The following NELL1 variants were observed in gnomAD, a reference collection of about 807,000 sequenced individuals.
NELL1 encodes the protein protein kinase C-binding protein NELL1.
Under a neutral mutation model 107.4 loss-of-function variants are expected in NELL1, and 76 were observed. The ratio of observed to expected loss-of-function variants is 0.71; its 90% CI spans 0.59 to 0.86. The LOEUF (loss-of-function observed/expected upper bound fraction) is 0.86, where lower values mean the gene tolerates loss of function less well. NELL1 is among the 40% of genes least tolerant of loss of function. The probability of loss-of-function intolerance (pLI) is 0.00; values close to 1 mark genes in which losing one functional copy is unlikely to be tolerated. For synonymous variants in NELL1, 353 were observed against 341.2 expected (o/e 1.03, Z -0.38); for missense variants, 1,024 against 1,005.5 (o/e 1.02, Z -0.25).
At chr11:21,556,077 C>T (rs1472845139) in intron 16 of NELL1, among the ~76,000 whole-genome samples, 1 of 151,808 alleles carries the variant, frequency 6.6e-6, no homozygotes, top group Non-Finnish European at 1.5e-5. Context: ...TATATTTTCC[C>T]CCATAATTTT....
At chr11:20,785,564 C>G (rs1274256735) in intron 3 of NELL1, among the ~76,000 whole-genome samples, 1 of 152,190 alleles carries the variant, frequency 6.6e-6, no homozygotes, top group Non-Finnish European at 1.5e-5. Context: ...TGAGATACTT[C>G]TCAATGAATG....
chr11:20,691,844 G>C (rs567803565), intron 2 of NELL1, among the ~76,000 whole-genome samples: 1 of 152,216 alleles, frequency 6.6e-6, no homozygotes, highest in Admixed American at 6.5e-5. Context: ...GATTGGAATA[G>C]TTTCAGAAGG....
chr11:21,143,075 G>T (rs144013733), intron 13 of NELL1, among the ~76,000 whole-genome samples: 85 of 152,268 alleles, frequency 5.6e-4, no homozygotes, highest in African/African-American at 1.9e-3. Flanking sequence ...TCTGGGTAAG[G>T]ATTTAAGGAG....
chr11:20,794,593 T>C (rs1291169912), intron 3 of NELL1, among the ~76,000 whole-genome samples: 1 of 152,118 alleles, frequency 6.6e-6, no homozygotes, highest in Non-Finnish European at 1.5e-5. Flanking sequence ...TACCTGGTGA[T>C]TTTTCTGAGG....
At chr11:20,980,262 C>T (rs1012425253) in intron 12 of NELL1, among the ~76,000 whole-genome samples, 3 of 152,174 alleles carry the variant, frequency 2.0e-5, no homozygotes, top group South Asian at 2.1e-4. Flanking sequence ...GGTGCGTTTA[C>T]GTATATTATT....
chr11:21,496,359 G>A (rs567249758), intron 15 of NELL1, among the ~76,000 whole-genome samples: 1 of 143,368 alleles, frequency 7.0e-6, no homozygotes, highest in East Asian at 2.0e-4. Context: ...TCTTATAGGA[G>A]TTTCTTTTTT....
At chr11:20,850,357 A>G (rs1279024125) in intron 4 of NELL1, among the ~76,000 whole-genome samples, 2 of 152,196 alleles carry the variant, frequency 1.3e-5, no homozygotes, top group Non-Finnish European at 2.9e-5. Context: ...CTCACCCAGT[A>G]GTGTTCTGCT....
chr11:20,976,895 G>A (rs1293779764), intron 12 of NELL1, among the ~76,000 whole-genome samples: 1 of 151,642 alleles, frequency 6.6e-6, no homozygotes, highest in Non-Finnish European at 1.5e-5. Context: ...TTTCTTTAAC[G>A]CAAACTCCTA....
At chr11:21,385,184 G>A (rs140131769) in intron 15 of NELL1, among the ~76,000 whole-genome samples, 2,001 of 151,706 alleles carry the variant, frequency 0.013, 38 homozygotes, top group African/African-American at 0.046. Flanking sequence ...AGTACTTTTC[G>A]TATGGCTTCA....
chr11:20,685,271 T>C lies in NELL1; in HGVS notation c.184+7211T>C, dbSNP rs75664733. Among the ~76,000 whole-genome samples the C allele has an allele frequency of 7.9e-3, 1,203 of 152,186 alleles. 11 individuals are homozygous for C. The highest frequency in any genetic ancestry group is 0.028 in the African/African-American group (1,147 of 41,552). On this transcript the variant is annotated intron_variant, in intron 2 of 19. Coordinates refer to ENST00000357134, the MANE Select transcript of NELL1 (RefSeq NM_006157.5). ...GCCCTTCATTGACTGATGGCTAGTG[T>C]CTTGAAAACTGTAGTTTCATCAAAT...
At chr11:21,553,417 T>C (rs963175764) in intron 16 of NELL1, among the ~76,000 whole-genome samples, 1 of 151,876 alleles carries the variant, frequency 6.6e-6, no homozygotes, top group African/African-American at 2.4e-5. Flanking sequence ...ACTGTTTAAT[T>C]CTAAGAAATG....
intron 15 of NELL1, among the ~76,000 whole-genome samples, chr11:21,489,380 CAAAAAAAAAAAAA>C (rs1163644356): frequency 4.6e-4 from 22 of 47,800 alleles, no homozygotes; most frequent in South Asian, 3.0e-3. Flanking sequence ...GAAAGTATTT[CAAAAAAAAAAAAA>C]AAAAAAAAAA....
intron 14 of NELL1, among the ~76,000 whole-genome samples, chr11:21,318,525 G>A (rs1016597593): frequency 3.3e-5 from 5 of 151,492 alleles, no homozygotes; most frequent in South Asian, 2.1e-4. Context: ...CCATACTTCC[G>A]GCCCCACTCG....
At chr11:21,329,291 C>T (rs1273818387) in intron 14 of NELL1, among the ~76,000 whole-genome samples, 2 of 151,872 alleles carry the variant, frequency 1.3e-5, no homozygotes, top group African/African-American at 4.9e-5. Context: ...GCTTTTCCCC[C>T]TTTTGCTCAG....
chr11:20,914,781 A>C (rs997431961), intron 5 of NELL1, among the ~76,000 whole-genome samples: 6 of 152,158 alleles, frequency 3.9e-5, no homozygotes, highest in Admixed American at 3.9e-4. Context: ...AGCTACTTAG[A>C]GTATCAAAGC....
intron 13 of NELL1, among the ~76,000 whole-genome samples, chr11:21,182,645 C>T (rs917182349): frequency 1.4e-5 from 2 of 144,738 alleles, no homozygotes; most frequent in Admixed American, 6.7e-5. Flanking sequence ...TTTCAGGAAG[C>T]AGCTACCTAG....
intron 14 of NELL1, among the ~76,000 whole-genome samples, chr11:21,243,486 A>G (rs899861729): frequency 1.3e-5 from 2 of 152,108 alleles, no homozygotes; most frequent in Non-Finnish European, 2.9e-5. Flanking sequence ...ATCTTCACTT[A>G]AGTTACCTCT....
chr11:20,734,345 AT>A lies in NELL1; in HGVS notation c.185-49333del, dbSNP rs1324159918. Among the ~76,000 whole-genome samples the A allele has an allele frequency of 3.3e-5, 5 of 152,160 alleles. No homozygotes were observed. The East Asian group carries it at 9.6e-4, about 29-fold the overall frequency. ...ATTTTGAGCAGGACAATGATCTATG[AT>A]TAGTATTTTTGAAATATGACTGGCT... is the stretch of plus-strand genomic sequence containing the variant. On this transcript the variant is annotated intron_variant, in intron 2 of 19. Coordinates refer to ENST00000357134, the MANE Select transcript of NELL1 (RefSeq NM_006157.5).
chr11:20,686,873 A>G (rs1046633148), intron 2 of NELL1, among the ~76,000 whole-genome samples: 6 of 151,814 alleles, frequency 4.0e-5, no homozygotes, highest in African/African-American at 1.4e-4. Flanking sequence ...TTGTAAATAT[A>G]TTTAGTTGGT....
Sources: allele counts gnomAD v4.1 joint callset (sites outside exome capture counted in the v4.1 genomes callset), GRCh38; gene constraint gnomAD v4.1.1; transcripts MANE v1.5; gene names NCBI Gene and HGNC (gene_info 2026-07-23, HGNC 2026-07-21).